HEATR1: variants seen among roughly 807,000 people sequenced by gnomAD.
The protein encoded by HEATR1 is HEAT repeat containing 1.
A neutral mutation model predicts 248.2 loss-of-function variants in HEATR1; 77 were observed. That is an observed-to-expected ratio of 0.31 (90% CI 0.26 to 0.37). The LOEUF is 0.37. Among genes scored for constraint, HEATR1 ranks in the 10% least tolerant of loss-of-function variants. The probability of loss-of-function intolerance (pLI) is 1.00; values close to 1 mark genes in which losing one functional copy is unlikely to be tolerated. For missense variants in HEATR1, 2,420 were observed against 2,504.9 expected, an observed-to-expected ratio of 0.97 and a Z score of 0.72; for synonymous variants, 897 against 923.1, an observed-to-expected ratio of 0.97 and a Z score of 0.51.
chr1:236,596,783 A>T, intron 6 of HEATR1, 53 bp downstream of exon 6: 17 of 1,502,810 alleles, frequency 1.1e-5, no homozygotes, highest in Non-Finnish European at 1.5e-5. Context: ...TTCGAAAGCA[A>T]GAAAATTCCT....
In HEATR1 at chr1:236,553,570, C is replaced by T. The variant is rs1662847561; in HGVS notation, c.6237+11G>A. 1 of 1,610,728 alleles carries T rather than the reference C, an allele frequency of 6.2e-7. No individual in the cohort carries two copies. The highest frequency in any genetic ancestry group is 1.7e-5 in the Admixed American group (1 of 59,500). ...AGATGCAGTTTCAGTACTTGTCACG[C>T]AGTTCCTAACCTTAGGCGAGGAGTC... is the stretch of plus-strand genomic sequence containing the variant. On this transcript the variant is annotated intron_variant, in intron 43 of 44. Coordinates refer to ENST00000366582, the MANE Select transcript of HEATR1 (RefSeq NM_018072.6).
rs760930540 is a variant in HEATR1, at chr1:236,574,259, T to A, written c.3402A>T (p.Leu1134Phe). 2 of 1,612,918 alleles carry A rather than the reference T, an allele frequency of 1.2e-6. No homozygotes were observed. Among genetic ancestry groups the A allele is most frequent in the African/African-American group, 2.7e-5 (2 of 74,884 alleles). The change falls in exon 24 of 45, where the codon TTA becomes TTT. Residue 1134 changes from leucine to phenylalanine, a missense_variant. Physicochemically the swap from Leu to Phe is conservative, Grantham distance 22 (BLOSUM62 0). Coordinates refer to ENST00000366582, the MANE Select transcript of HEATR1 (RefSeq NM_018072.6). ...AATGTGAGTTTTTACAGTTCACCAATAAATCAAACAACATTCTTAAAAGCT... is the reference window on the plus strand; with the variant it reads ...AATGTGAGTTTTTACAGTTCACCAAAAAATCAAACAACATTCTTAAAAGCT... ...QQKLLRMLFDLLVNCKNSHCA... is the reference protein window; with the variant it reads ...QQKLLRMLFDFLVNCKNSHCA...
intron 42 of HEATR1, 28 bp downstream of exon 42, chr1:236,554,570 G>A: frequency 6.2e-7 from 1 of 1,604,478 alleles, no homozygotes; most frequent in Non-Finnish European, 8.5e-7. Flanking sequence ...GGCTTCCTCA[G>A]CAACGAAAGA....
chr1:236,559,089 C>T lies in HEATR1; in HGVS notation c.4817G>A (p.Gly1606Glu), dbSNP rs748433436. Residue 1606 changes from glycine (G) to glutamate (E), a missense_variant, in exon 35 of 45, where the codon GGG (glycine) becomes GAG (glutamate). Physicochemically the swap from Gly to Glu is moderately conservative, Grantham distance 98. Transcript: ENST00000366582. ...AGATGGCAGGGGATTGCCCACCAGC[C>T]CTCTGATCACAGGAATGAATGTCTC... ...PTETFIPVIR[G>E]LVGNPLPSVR... 2.2e-5 allele frequency: 36 copies of T among 1,611,940 alleles called. No individual in the cohort carries two copies. Among genetic ancestry groups the T allele is most frequent in the Non-Finnish European group, 2.6e-5 (31 of 1,179,336 alleles).
At chr1:236,603,040 T>C (rs1664367006) in intron 3 of HEATR1, 120 bp downstream of exon 3, 2 of 670,724 alleles carry the variant, frequency 3.0e-6, no homozygotes, top group South Asian at 1.9e-5. Context: ...CAATGGACAT[T>C]GTATCAATCT....
At chr1:236,583,359 C>T (rs547034289) in intron 17 of HEATR1, among the ~76,000 whole-genome samples, 163 bp from the exon 18 acceptor site, 1 of 152,226 alleles carries the variant, frequency 6.6e-6, no homozygotes, top group African/African-American at 2.4e-5. Context: ...AGGTTTATCA[C>T]TATTCACAAG....
intron 5 of HEATR1, 102 bp from the exon 6 acceptor site, chr1:236,597,078 T>C: frequency 8.0e-6 from 8 of 1,002,014 alleles, no homozygotes; most frequent in Non-Finnish European, 1.0e-5. Flanking sequence ...TGAACTATGA[T>C]GGCACCACTG....
chr1:236,590,865 C>T lies in HEATR1; in HGVS notation c.1512G>A (p.Lys504=). The change falls in exon 12 of 45, where the codon AAG becomes AAA. Residue 504 remains lysine (K), a synonymous_variant. Coordinates refer to ENST00000366582, the MANE Select transcript of HEATR1 (RefSeq NM_018072.6). ...VRILAMNHLK[K]IMKTSKEGVD... Reference sequence around the variant, plus strand: ...AACAAACCTTTGATGTTTTCATGATCTTTTTCAAATGATTCATGGCCAGAA... The same window carrying T: ...AACAAACCTTTGATGTTTTCATGATTTTTTTCAAATGATTCATGGCCAGAA... The T allele has an allele frequency of 6.6e-7, 1 of 1,506,278 alleles. No homozygotes were observed. The highest frequency in any genetic ancestry group is 8.9e-7 in the Non-Finnish European group (1 of 1,118,208). The allele number at this position is 1,506,278 out of a possible 1,614,324, so 93.3% of individuals were successfully genotyped here.
rs949751191 is a variant in HEATR1 at position 236,550,523 on chromosome 1, T to C, written c.*379A>G. ...AGTGAAATCTGCAACATGGATACCA[T>C]GTATGTAAGATACTGCTGTACAGAA... On this transcript the variant is annotated 3_prime_UTR_variant, in exon 45 of 45. Transcript: ENST00000366582. The C allele has an allele frequency of 1.3e-4, 22 of 172,432 alleles. No individual in the cohort carries two copies. The highest frequency in any genetic ancestry group is 4.3e-4 in the African/African-American group (18 of 42,276). The allele number at this position is 172,432 out of a possible 1,614,324, so 10.7% of individuals were successfully genotyped here.
chr1:236,560,593 T>C (rs1015339283), intron 33 of HEATR1, among the ~76,000 whole-genome samples: 2 of 152,212 alleles, frequency 1.3e-5, no homozygotes, highest in Non-Finnish European at 1.5e-5. Context: ...CTCACATTCC[T>C]GGCTGCAGGG....
chr1:236,600,292 A>G (rs1321275725), intron 3 of HEATR1, among the ~76,000 whole-genome samples: 3 of 147,932 alleles, frequency 2.0e-5, no homozygotes, highest in Non-Finnish European at 4.5e-5. Context: ...ATGCCCAGCT[A>G]ATTTTTTTTT....
chr1:236,556,921 C>T (rs192092286), intron 37 of HEATR1, among the ~76,000 whole-genome samples: 1 of 151,830 alleles, frequency 6.6e-6, no homozygotes, highest in East Asian at 1.9e-4. Flanking sequence ...AAAGATCTCA[C>T]AGAAGAAAAA....
At chr1:236,554,779 A>T (rs1320776747) in intron 41 of HEATR1, 27 bp from the exon 42 acceptor site, 1 of 1,581,770 alleles carries the variant, frequency 6.3e-7, no homozygotes, top group African/African-American at 1.4e-5. Flanking sequence ...AGTAAAAATG[A>T]AAAAACACTG....
At chr1:236,554,194 C>T (rs566499387) in intron 42 of HEATR1, among the ~76,000 whole-genome samples, 5 of 152,292 alleles carry the variant, frequency 3.3e-5, no homozygotes, top group South Asian at 2.1e-4. Flanking sequence ...GAGTTCGAGA[C>T]CAGCCTGGCC....
chr1:236,551,778 A>G (rs1467881318), intron 44 of HEATR1: 3 of 496,734 alleles, frequency 6.0e-6, no homozygotes, highest in Non-Finnish European at 1.1e-5. Context: ...ACGGACTCTC[A>G]AATGATCAGG....
At chr1:236,552,174 ACT>A in intron 43 of HEATR1, 67 bp from the exon 44 acceptor site, 1 of 1,048,306 alleles carries the variant, frequency 9.5e-7, no homozygotes, top group African/African-American at 1.6e-5. Flanking sequence ...TAAGAGCTGT[ACT>A]GACTTGAGAC....
At chr1:236,600,557 A>C (rs1664295796) in intron 3 of HEATR1, among the ~76,000 whole-genome samples, 1 of 146,306 alleles carries the variant, frequency 6.8e-6, no homozygotes, top group Non-Finnish European at 1.5e-5. Context: ...TTTTTTCCAG[A>C]GTCTACTTGG....
chr1:236,556,024 T>C (rs1223094243), intron 38 of HEATR1, 76 bp downstream of exon 38: 2 of 1,606,016 alleles, frequency 1.2e-6, no homozygotes, highest in Admixed American at 1.7e-5. Context: ...CTAAATCTTC[T>C]TCTTTAAGTC....
At chr1:236,595,748 A>C in intron 7 of HEATR1, 75 bp from the exon 8 acceptor site, 1 of 1,512,994 alleles carries the variant, frequency 6.6e-7, no homozygotes. Context: ...GAAAATATAT[A>C]ATCACTTATC....
Sources: allele counts gnomAD v4.1 joint callset (sites outside exome capture counted in the v4.1 genomes callset), GRCh38; gene constraint gnomAD v4.1.1; transcripts MANE v1.5; gene names NCBI Gene and HGNC (gene_info 2026-07-23, HGNC 2026-07-21).